ZBTB16: variants seen among roughly 807,000 people sequenced by gnomAD.
ZBTB16 encodes the protein zinc finger and BTB domain containing 16.
ZBTB16 carries 8 observed loss-of-function variants against 56.8 expected under a neutral mutation model. The ratio of observed to expected loss-of-function variants is 0.14; its 90% CI spans 0.08 to 0.25. The LOEUF is 0.25. Ranked by LOEUF, ZBTB16 falls within the 10% of genes least tolerant of loss-of-function variation. ZBTB16 has a pLI of 1.00. For missense variants in ZBTB16, 625 were observed against 903.0 expected, an observed-to-expected ratio of 0.69 and a Z score of 3.95; for synonymous variants, 363 against 368.5, an observed-to-expected ratio of 0.98 and a Z score of 0.17.
intron 2 of ZBTB16, among the ~76,000 whole-genome samples, chr11:114,120,578 C>T (rs1941314282): frequency 6.6e-6 from 1 of 152,168 alleles, no homozygotes; most frequent in Non-Finnish European, 1.5e-5. Context: ...CTAATTTGTC[C>T]CATTTTCTTC....
At chr11:114,086,018 G>A (rs1337909428) in intron 2 of ZBTB16, among the ~76,000 whole-genome samples, 1 of 152,116 alleles carries the variant, frequency 6.6e-6, no homozygotes, top group Non-Finnish European at 1.5e-5. Flanking sequence ...GATGGGGGTG[G>A]TGGTGGTAAA....
chr11:114,163,285 CTGTTTTGGCTGG>C (rs1461035407), intron 3 of ZBTB16, among the ~76,000 whole-genome samples: 1 of 145,630 alleles, frequency 6.9e-6, no homozygotes, highest in Non-Finnish European at 1.5e-5. Context: ...TTTTTAGCTC[CTGTTTTGGCTGG>C]GATCCGAAAC....
intron 2 of ZBTB16, among the ~76,000 whole-genome samples, chr11:114,072,347 G>A (rs147055447): frequency 9.2e-4 from 140 of 152,294 alleles, no homozygotes; most frequent in Admixed American, 1.7e-3. Flanking sequence ...TCCAGTTCTC[G>A]TTTAAATTTA....
intron 2 of ZBTB16, among the ~76,000 whole-genome samples, chr11:114,108,438 A>G (rs1476822584): frequency 1.3e-5 from 2 of 152,152 alleles, no homozygotes; most frequent in Non-Finnish European, 2.9e-5. Flanking sequence ...AGTGAAATTG[A>G]TGGCCACGGG....
At chr11:114,153,627 G>C (rs1942329343) in intron 2 of ZBTB16, among the ~76,000 whole-genome samples, 1 of 152,236 alleles carries the variant, frequency 6.6e-6, no homozygotes, top group African/African-American at 2.4e-5. Flanking sequence ...CTAGATTGCT[G>C]GGATTGGGTC....
intron 3 of ZBTB16, among the ~76,000 whole-genome samples, chr11:114,179,371 G>A (rs1446502194): frequency 1.3e-5 from 2 of 152,094 alleles, no homozygotes; most frequent in African/African-American, 4.8e-5. Context: ...CTTTGGAATT[G>A]GCAGCCAGTG....
chr11:114,229,339 G>A (rs996746003), intron 4 of ZBTB16, among the ~76,000 whole-genome samples: 1 of 152,140 alleles, frequency 6.6e-6, no homozygotes, highest in African/African-American at 2.4e-5. Flanking sequence ...TGATTAAATC[G>A]GATTTGTGGG....
At chr11:114,191,773 T>C (rs1307128721) in intron 4 of ZBTB16, among the ~76,000 whole-genome samples, 1 of 152,186 alleles carries the variant, frequency 6.6e-6, no homozygotes, top group East Asian at 1.9e-4. Flanking sequence ...CACACATGCA[T>C]GCACGCACAT....
At chr11:114,118,056 C>T (rs1238671980) in intron 2 of ZBTB16, among the ~76,000 whole-genome samples, 1 of 152,188 alleles carries the variant, frequency 6.6e-6, no homozygotes, top group African/African-American at 2.4e-5. Flanking sequence ...AGAGGCACAA[C>T]TGACTTAATC....
At chr11:114,186,680 A>G (rs530558035) in intron 3 of ZBTB16, among the ~76,000 whole-genome samples, 363 of 152,136 alleles carry the variant, frequency 2.4e-3, no homozygotes, top group Non-Finnish European at 3.8e-3. Flanking sequence ...TTCTTGAGGT[A>G]TCTAACTTGG....
chr11:114,062,471 C>A (rs115351852), intron 1 of ZBTB16, among the ~76,000 whole-genome samples: 1 of 152,330 alleles, frequency 6.6e-6, no homozygotes, highest in South Asian at 2.1e-4. Flanking sequence ...ATTATACATA[C>A]AATAACTTTG....
chr11:114,090,416 C>G (rs1435816383), intron 2 of ZBTB16, among the ~76,000 whole-genome samples: 3 of 152,206 alleles, frequency 2.0e-5, no homozygotes, highest in Non-Finnish European at 4.4e-5. Flanking sequence ...CCTTGTCTGG[C>G]CAACTCCGGG....
At chr11:114,118,785 A>G (rs1193825494) in intron 2 of ZBTB16, among the ~76,000 whole-genome samples, 1 of 152,164 alleles carries the variant, frequency 6.6e-6, no homozygotes, top group Non-Finnish European at 1.5e-5. Flanking sequence ...TTATGAAGAG[A>G]CAAATGTTTT....
At chr11:114,247,528 C>A (rs990286721) in intron 6 of ZBTB16, among the ~76,000 whole-genome samples, 163 bp downstream of exon 6, 7 of 61,276 alleles carry the variant, frequency 1.1e-4, no homozygotes, top group African/African-American at 2.3e-4. Context: ...GACCACCACA[C>A]CCCAGTCAAG....
chr11:114,061,581 A>T (rs938885108), intron 1 of ZBTB16: 4 of 152,300 alleles, frequency 2.6e-5, no homozygotes, highest in African/African-American at 9.7e-5. Context: ...CAGTGTTCGA[A>T]GAGTGAGGGA....
rs930110025 is a variant in ZBTB16 at position 114,251,792 on chromosome 11, G to A, written c.*1237G>A. Among the ~76,000 whole-genome samples, 45 of 152,286 alleles carry A rather than the reference G, an allele frequency of 3.0e-4. No individual in the cohort carries two copies. Among genetic ancestry groups the A allele is most frequent in the Non-Finnish European group, 5.4e-4 (37 of 68,028 alleles). On this transcript the variant is annotated 3_prime_UTR_variant, in exon 7 of 7. Coordinates refer to ENST00000335953, the MANE Select transcript of ZBTB16 (RefSeq NM_006006.6). Reference sequence around the variant, plus strand: ...GGAGGGGGAGGAGCTGCAGGAGGAGGAGGATTTGAAAGCGCTTTGGCCTTG... The same window carrying A: ...GGAGGGGGAGGAGCTGCAGGAGGAGAAGGATTTGAAAGCGCTTTGGCCTTG...
At position 114,216,928 on chromosome 11, in the gene ZBTB16, G is replaced by A. The variant is rs558503657; in HGVS notation, c.1454-25239G>A. On this transcript the variant is annotated intron_variant, in intron 4 of 6. Transcript: ENST00000335953. ...GCAATTATAATGCAGAATGCTGAGT[G>A]CAGCGATAGAGATATTTATTATACA... Among the ~76,000 whole-genome samples the A allele has an allele frequency of 4.8e-5, 4 of 83,416 alleles. No individual in the cohort carries two copies. The South Asian group carries it at 2.3e-3, about 48-fold the overall frequency. 54.7% of individuals were successfully genotyped at this position (83,416 alleles called of 152,430 possible). A position where few individuals can be genotyped will look rare whatever the true frequency, so the allele number is the denominator to read the frequency against.
At chr11:114,123,591 C>A (rs1419887198) in intron 2 of ZBTB16, among the ~76,000 whole-genome samples, 2 of 152,078 alleles carry the variant, frequency 1.3e-5, no homozygotes, top group South Asian at 2.1e-4. Flanking sequence ...TGAGGGTGGC[C>A]TTGGGTTCCT....
intron 2 of ZBTB16, among the ~76,000 whole-genome samples, chr11:114,142,775 G>A (rs1051142254): frequency 6.6e-6 from 1 of 152,070 alleles, no homozygotes; most frequent in East Asian, 1.9e-4. Flanking sequence ...GGGAGCTGGG[G>A]GGATTGTGGA....
Sources: allele counts gnomAD v4.1 joint callset (sites outside exome capture counted in the v4.1 genomes callset), GRCh38; gene constraint gnomAD v4.1.1; transcripts MANE v1.5; gene names NCBI Gene and HGNC (gene_info 2026-07-23, HGNC 2026-07-21).